GRIN2A: variants seen among roughly 807,000 people sequenced by gnomAD.
GRIN2A encodes the protein glutamate receptor ionotropic, NMDA 2A.
A neutral mutation model predicts 113.4 loss-of-function variants in GRIN2A; 22 were observed. The observed-to-expected ratio is 0.19, with a 90% CI of 0.14 to 0.28. GRIN2A has a LOEUF of 0.28. GRIN2A is among the 10% of genes least tolerant of loss of function. The pLI is 1.00. For missense variants in GRIN2A, 1,502 were observed against 1,887.0 expected (o/e 0.80, Z 3.78); for synonymous variants, 827 against 738.4 (o/e 1.12, Z -1.94).
chr16:9,937,894 G>A (rs2044750587), intron 3 of GRIN2A, 65 bp downstream of exon 3: 11 of 1,141,410 alleles, frequency 9.6e-6, no homozygotes, highest in African/African-American at 1.5e-5. Context: ...GAGTATGTAA[G>A]CAAGCAAACA....
At chr16:9,970,762 GGT>G (rs1321446323) in intron 2 of GRIN2A, 23 of 965,780 alleles carry the variant, frequency 2.4e-5, no homozygotes, top group Non-Finnish European at 2.5e-5. Flanking sequence ...ATTACAGGCT[GGT>G]AAACTCTCAA....
intron 2 of GRIN2A, among the ~76,000 whole-genome samples, chr16:10,160,595 T>C (rs918233276): frequency 2.0e-5 from 3 of 152,226 alleles, no homozygotes; most frequent in Admixed American, 2.0e-4. Flanking sequence ...ATACAACTGC[T>C]TGGAGGGCAT....
At chr16:9,839,911 G>A (rs2042643840) in intron 7 of GRIN2A, among the ~76,000 whole-genome samples, 1 of 152,094 alleles carries the variant, frequency 6.6e-6, no homozygotes, top group African/African-American at 2.4e-5. Context: ...GATCACTTGA[G>A]GTCAGGAGTT....
intron 2 of GRIN2A, among the ~76,000 whole-genome samples, chr16:10,041,583 G>T (rs1300601185): frequency 1.3e-5 from 2 of 152,168 alleles, no homozygotes. Context: ...GTCTCACGGG[G>T]TCATTTAATG....
At chr16:10,070,917 C>T (rs2047737425) in intron 2 of GRIN2A, among the ~76,000 whole-genome samples, 1 of 152,202 alleles carries the variant, frequency 6.6e-6, no homozygotes, top group Admixed American at 6.5e-5. Context: ...TTCCTCTCCT[C>T]CTCTCCCTAT....
chr16:9,993,824 G>T (rs907980312), intron 2 of GRIN2A, among the ~76,000 whole-genome samples: 12 of 152,178 alleles, frequency 7.9e-5, no homozygotes, highest in African/African-American at 2.9e-4. Context: ...AGAGGCAAGA[G>T]ATCCCAGGTC....
chr16:9,942,353 A>G (rs1459974557), intron 2 of GRIN2A, among the ~76,000 whole-genome samples: 7 of 152,142 alleles, frequency 4.6e-5, no homozygotes, highest in Non-Finnish European at 2.9e-5. Context: ...CCTAAATTCA[A>G]GTCCTGCCTC....
chr16:10,006,880 CA>C, intron 2 of GRIN2A, among the ~76,000 whole-genome samples: 1 of 152,220 alleles, frequency 6.6e-6, no homozygotes, highest in East Asian at 1.9e-4. Context: ...AAAAAACATG[CA>C]AAGTTTGTCT....
At chr16:9,914,437 C>G (rs919850942) in intron 3 of GRIN2A, among the ~76,000 whole-genome samples, 3 of 152,214 alleles carry the variant, frequency 2.0e-5, no homozygotes, top group African/African-American at 4.8e-5. Context: ...AGAGTTAACT[C>G]AACCAGCTGT....
At chr16:10,076,930 G>A (rs2047883905) in intron 2 of GRIN2A, among the ~76,000 whole-genome samples, 1 of 152,196 alleles carries the variant, frequency 6.6e-6, no homozygotes, top group Admixed American at 6.5e-5. Flanking sequence ...TGGCAAATGT[G>A]ATTCAGTTAA....
chr16:10,111,369 G>T (rs997759658), intron 2 of GRIN2A: 5 of 452,172 alleles, frequency 1.1e-5, no homozygotes, highest in African/African-American at 1.0e-4. Flanking sequence ...GCTTCGCGGG[G>T]CCTTGCGGCA....
intron 2 of GRIN2A, among the ~76,000 whole-genome samples, chr16:9,955,585 C>T (rs747252926): frequency 6.6e-6 from 1 of 152,168 alleles, no homozygotes; most frequent in Admixed American, 6.5e-5. Context: ...TGTTAATCAA[C>T]ATTGATTTAT....
At chr16:10,154,712 C>T (rs1596559727) in intron 2 of GRIN2A, among the ~76,000 whole-genome samples, 1 of 152,262 alleles carries the variant, frequency 6.6e-6, no homozygotes, top group South Asian at 2.1e-4. Context: ...GCACCTAATC[C>T]TGTGGGGGAC....
chr16:9,979,898 C>G lies in GRIN2A; in HGVS notation c.415-41347G>C, dbSNP rs184793832. 7.7e-4 allele frequency among the ~76,000 whole-genome samples: 106 copies of G among 137,014 alleles called. 3 individuals are homozygous for G. In the East Asian group the frequency reaches 0.019, roughly 25 times the overall value. 89.9% of individuals were successfully genotyped at this position (137,014 alleles called of 152,430 possible). A position where few individuals can be genotyped will look rare whatever the true frequency, so the allele number is the denominator to read the frequency against. ...GTGTATGAGATAAAAGTATATATAC[C>G]CAAGATATTTATATTATATTGAAAA... On this transcript the variant is annotated intron_variant, in intron 2 of 12. Transcript: ENST00000330684.
At chr16:10,130,711 C>G (rs1054843928) in intron 2 of GRIN2A, among the ~76,000 whole-genome samples, 3 of 152,152 alleles carry the variant, frequency 2.0e-5, no homozygotes, top group African/African-American at 7.2e-5. Context: ...CCAGGGGACT[C>G]TCTCTCTCCT....
chr16:9,923,000 T>G (rs1175482327), intron 3 of GRIN2A, among the ~76,000 whole-genome samples: 1 of 152,204 alleles, frequency 6.6e-6, no homozygotes, highest in Non-Finnish European at 1.5e-5. Flanking sequence ...TTAGGTCAAC[T>G]TGGTTGTGAC....
At chr16:10,177,373 C>A (rs1003859621) in intron 2 of GRIN2A, among the ~76,000 whole-genome samples, 3 of 152,196 alleles carry the variant, frequency 2.0e-5, no homozygotes, top group African/African-American at 7.2e-5. Flanking sequence ...CCACTGAGCT[C>A]TTTGCTTCCC....
rs188573900 is a variant in GRIN2A, at chr16:9,773,519, C to T, written c.2357-4430G>A. Among the ~76,000 whole-genome samples, 378 of 152,328 alleles carry T rather than the reference C, an allele frequency of 2.5e-3. 1 individual carries two copies. Among genetic ancestry groups the T allele is most frequent in the Admixed American group, 8.0e-3 (123 of 15,302 alleles). On this transcript the variant is annotated intron_variant, in intron 11 of 12. Coordinates refer to ENST00000330684, the MANE Select transcript of GRIN2A (RefSeq NM_001134407.3). ...ATCTCTTTCCTGAAGCAGACTCATT[C>T]TTGCTGGGAACACACAAGCTAAATG...
chr16:9,999,440 T>C (rs11074522), intron 2 of GRIN2A, among the ~76,000 whole-genome samples: 102,216 of 152,022 alleles, frequency 0.67, 34,674 homozygotes, highest in Non-Finnish European at 0.71. Flanking sequence ...ATGTCTTTTG[T>C]AGGGACATGG....
Sources: gnomAD v4.1 joint callset for allele counts (sites outside exome capture counted in the v4.1 genomes callset) on GRCh38, gnomAD v4.1.1 for gene constraint, MANE v1.5 for transcripts, NCBI Gene and HGNC (gene_info 2026-07-23, HGNC 2026-07-21) for gene names.